The following CDH18 variants were observed in gnomAD, a reference collection of about 807,000 sequenced individuals.
CDH18 encodes the protein cadherin-18.
A neutral mutation model predicts 67.9 loss-of-function variants in CDH18; 31 were observed. That is an observed-to-expected ratio of 0.46 (90% confidence interval 0.34 to 0.62). The LOEUF is 0.62. CDH18 is among the 20% of genes least tolerant of loss of function. The pLI is 0.01. For missense variants in CDH18, 890 were observed against 975.5 expected, an observed-to-expected ratio of 0.91 and a Z score of 1.17; for synonymous variants, 362 against 347.2, an observed-to-expected ratio of 1.04 and a Z score of -0.48.
chr5:19,690,310 TGAGAG>T (rs1202324706), intron 5 of CDH18, among the ~76,000 whole-genome samples: 13 of 151,552 alleles, frequency 8.6e-5, no homozygotes, highest in Admixed American at 7.9e-4. Flanking sequence ...AAAGTAGTGC[TGAGAG>T]GAAAGTTTAT....
chr5:20,410,636 C>T (rs750713501), intron 1 of CDH18, among the ~76,000 whole-genome samples: 33 of 151,242 alleles, frequency 2.2e-4, no homozygotes, highest in African/African-American at 4.8e-5. Flanking sequence ...TAACATAATC[C>T]TGTGAATCTC....
intron 2 of CDH18, among the ~76,000 whole-genome samples, chr5:19,903,541 G>GTGTATATATATATATATATA (rs374931710): frequency 4.0e-5 from 5 of 124,732 alleles, no homozygotes; most frequent in South Asian, 2.8e-4. Flanking sequence ...GTGTGTGTGT[G>GTGTATATATATATATATATA]TATATATATA....
At position 20,233,613 on chromosome 5, in the gene CDH18, T is replaced by C. The variant is rs889418139; in HGVS notation, c.-518+21831A>G. 4.6e-5 allele frequency among the ~76,000 whole-genome samples: 7 copies of C among 152,016 alleles called. No individual in the cohort carries two copies. In the East Asian group the frequency reaches 1.3e-3, roughly 29 times the overall value. On this transcript the variant is annotated intron_variant, in intron 2 of 14. Coordinates refer to the CDH18 transcript ENST00000507958. The stretch of plus-strand genomic sequence containing the variant: ...GTACACACATATGTACACACGCATG[T>C]ATATACATATACACACACAGACATG...
intron 2 of CDH18, among the ~76,000 whole-genome samples, chr5:19,962,386 A>AAAAAAAG: frequency 6.9e-6 from 1 of 144,746 alleles, no homozygotes; most frequent in Non-Finnish European, 1.5e-5. Context: ...AGCAAAAAAA[A>AAAAAAAG]AAAAAAAAAA....
intron 2 of CDH18, among the ~76,000 whole-genome samples, chr5:20,183,766 G>A (rs1457898544): frequency 6.6e-6 from 1 of 152,018 alleles, no homozygotes; most frequent in African/African-American, 2.4e-5. Flanking sequence ...TGTTACTCTT[G>A]TACCAAGCAG....
intron 2 of CDH18, among the ~76,000 whole-genome samples, chr5:19,918,245 C>A (rs954755946): frequency 3.2e-4 from 48 of 152,152 alleles, no homozygotes; most frequent in Non-Finnish European, 1.2e-4. Flanking sequence ...GAACTTCCAA[C>A]ATGACAACAA....
intron 3 of CDH18, among the ~76,000 whole-genome samples, chr5:19,827,327 CA>C (rs70954605): frequency 0.53 from 66,391 of 124,890 alleles, 15,124 homozygotes; most frequent in Middle Eastern, 0.62. Context: ...GTTATCAAGG[CA>C]AAAAAAAAAA....
intron 2 of CDH18, among the ~76,000 whole-genome samples, chr5:20,186,926 A>G (rs1316590053): frequency 6.6e-6 from 1 of 151,994 alleles, no homozygotes. Context: ...GATAAACAAA[A>G]TGTGGTGTAT....
At chr5:20,310,656 A>G (rs958601677) in intron 1 of CDH18, among the ~76,000 whole-genome samples, 2 of 152,194 alleles carry the variant, frequency 1.3e-5, no homozygotes, top group South Asian at 4.1e-4. Context: ...TGTTGATTGC[A>G]TGTTAGATAT....
At chr5:20,010,748 T>C (rs547289487) in intron 2 of CDH18, among the ~76,000 whole-genome samples, 1 of 152,294 alleles carries the variant, frequency 6.6e-6, no homozygotes, top group Admixed American at 6.5e-5. Context: ...TTTTTCTATG[T>C]TTACATGTTG....
intron 5 of CDH18, among the ~76,000 whole-genome samples, chr5:19,655,068 G>A (rs188817088): frequency 3.9e-5 from 6 of 152,238 alleles, no homozygotes; most frequent in East Asian, 1.9e-4. Context: ...ATGCCAGTTC[G>A]CACTTAGCGC....
intron 1 of CDH18, among the ~76,000 whole-genome samples, chr5:20,567,778 T>A (rs1438568122): frequency 1.3e-5 from 2 of 152,144 alleles, no homozygotes; most frequent in Non-Finnish European, 2.9e-5. Context: ...GACTGGAACA[T>A]TTAAACACAA....
intron 1 of CDH18, among the ~76,000 whole-genome samples, chr5:19,982,148 C>G (rs955524166): frequency 5.9e-5 from 9 of 152,082 alleles, no homozygotes; most frequent in African/African-American, 2.2e-4. Context: ...ACTGATTGGT[C>G]TTTGGGAACT....
chr5:20,069,389 C>A (rs1200331048), intron 2 of CDH18, among the ~76,000 whole-genome samples: 4 of 141,854 alleles, frequency 2.8e-5, no homozygotes, highest in Non-Finnish European at 4.6e-5. Flanking sequence ...TACTGCATTG[C>A]CCTCTTTTTT....
At chr5:20,427,687 G>T (rs915134935) in intron 1 of CDH18, among the ~76,000 whole-genome samples, 2 of 150,988 alleles carry the variant, frequency 1.3e-5, no homozygotes, top group African/African-American at 5.0e-5. Context: ...CCTTACTTCA[G>T]TAAGCAGCAT....
At chr5:19,861,632 G>A (rs1325278227) in intron 2 of CDH18, among the ~76,000 whole-genome samples, 1 of 152,106 alleles carries the variant, frequency 6.6e-6, no homozygotes, top group African/African-American at 2.4e-5. Context: ...GAGATAATGA[G>A]AAGGGTCAGA....
At chr5:20,066,720 A>G (rs1011739259) in intron 2 of CDH18, among the ~76,000 whole-genome samples, 2 of 152,028 alleles carry the variant, frequency 1.3e-5, no homozygotes, top group African/African-American at 4.8e-5. Context: ...TATAGACTTA[A>G]GCCTGGCAAG....
intron 1 of CDH18, among the ~76,000 whole-genome samples, chr5:20,405,241 A>G (rs1299116633): frequency 1.3e-5 from 2 of 152,190 alleles, no homozygotes; most frequent in Non-Finnish European, 2.9e-5. Flanking sequence ...AAACAGAGAT[A>G]TAGACCAATG....
chr5:20,021,634 T>C (rs561954433), intron 2 of CDH18, among the ~76,000 whole-genome samples: 31 of 152,300 alleles, frequency 2.0e-4, no homozygotes, highest in Non-Finnish European at 4.0e-4. Flanking sequence ...ATGGGGAAAA[T>C]GCCTCGAAGG....
Sources: gnomAD v4.1 joint callset for allele counts (sites outside exome capture counted in the v4.1 genomes callset) on GRCh38, gnomAD v4.1.1 for gene constraint, MANE v1.5 for transcripts, NCBI Gene and HGNC (gene_info 2026-07-23, HGNC 2026-07-21) for gene names.